Variants in CCDC102B observed in about 807,000 individuals in gnomAD.
CCDC102B encodes the protein coiled-coil domain-containing protein 102B.
Under a neutral mutation model 57.4 loss-of-function variants are expected in CCDC102B, and 75 were observed. That is an observed-to-expected ratio of 1.31 (90% CI 1.08 to 1.58). CCDC102B has a LOEUF of 1.58. CCDC102B is among the 40% of genes most tolerant of loss of function. The probability of loss-of-function intolerance (pLI) is 0.00; values close to 1 mark genes in which losing one functional copy is unlikely to be tolerated. For synonymous variants in CCDC102B, 206 were observed against 201.9 expected (o/e 1.02, Z -0.17); for missense variants, 636 against 582.6 (o/e 1.09, Z -0.94).
At chr18:68,820,216 A>T (rs7243280) in intron 1 of CCDC102B, among the ~76,000 whole-genome samples, 65,574 of 151,838 alleles carry the variant, frequency 0.43, 15,450 homozygotes, top group East Asian at 0.86. Context: ...CTGTTATCAT[A>T]TCACTACTTT....
chr18:68,895,889 T>C (rs1027413491), intron 5 of CCDC102B, among the ~76,000 whole-genome samples: 1 of 151,970 alleles, frequency 6.6e-6, no homozygotes, highest in African/African-American at 2.4e-5. Context: ...ATAAATTACA[T>C]TGATGTCTCG....
At chr18:68,719,899 G>T (rs368964443) in intron 2 of CCDC102B, among the ~76,000 whole-genome samples, 125 of 152,242 alleles carry the variant, frequency 8.2e-4, no homozygotes, top group African/African-American at 2.8e-3. Flanking sequence ...CATTTCACTT[G>T]TGAACAAAAA....
At chr18:68,733,515 A>C (rs1363158373) in intron 2 of CCDC102B, among the ~76,000 whole-genome samples, 3 of 82,916 alleles carry the variant, frequency 3.6e-5, no homozygotes, top group Admixed American at 1.2e-4. Flanking sequence ...TATTTTTTTA[A>C]CTTAAGCATG....
At chr18:68,987,167 A>G (rs934308576) in intron 6 of CCDC102B, among the ~76,000 whole-genome samples, 1 of 152,224 alleles carries the variant, frequency 6.6e-6, no homozygotes, top group African/African-American at 2.4e-5. Context: ...TAGACTTCAA[A>G]CTATACTATA....
At chr18:68,775,940 C>T (rs1310523371) in intron 2 of CCDC102B, among the ~76,000 whole-genome samples, 1 of 152,184 alleles carries the variant, frequency 6.6e-6, no homozygotes, top group African/African-American at 2.4e-5. Context: ...GCGTGAGCCA[C>T]AAAGCCCGGC....
At chr18:68,745,171 G>A (rs1308057515) in intron 2 of CCDC102B, among the ~76,000 whole-genome samples, 1 of 151,988 alleles carries the variant, frequency 6.6e-6, no homozygotes, top group African/African-American at 2.4e-5. Context: ...GAAGAAGTGG[G>A]GTGTGCTTGG....
chr18:68,823,143 C>T (rs1226019098), intron 1 of CCDC102B, among the ~76,000 whole-genome samples: 20 of 152,122 alleles, frequency 1.3e-4, no homozygotes, highest in Admixed American at 1.3e-3. Flanking sequence ...AGTCATGGGC[C>T]AATGCTTCAT....
At chr18:69,020,371 C>T (rs979478549) in intron 7 of CCDC102B, among the ~76,000 whole-genome samples, 8 of 152,014 alleles carry the variant, frequency 5.3e-5, no homozygotes, top group Middle Eastern at 3.2e-3. Context: ...TTGAGCTAGG[C>T]GCACTGTATG....
intron 2 of CCDC102B, among the ~76,000 whole-genome samples, chr18:68,720,702 C>T (rs1397500626): frequency 2.0e-5 from 3 of 151,538 alleles, no homozygotes; most frequent in Non-Finnish European, 2.9e-5. Flanking sequence ...AGCATTGCTA[C>T]ATGAAGCCCG....
At chr18:68,795,764 C>G (rs558818352), upstream of CCDC102B, among the ~76,000 whole-genome samples, 83 of 152,184 alleles carry the variant, frequency 5.5e-4, no homozygotes, top group African/African-American at 2.0e-3. Flanking sequence ...TTCATAGGTA[C>G]AGGAAGTTAG....
chr18:68,891,631 G>C (rs1490450067), intron 5 of CCDC102B, among the ~76,000 whole-genome samples: 1 of 152,220 alleles, frequency 6.6e-6, no homozygotes, highest in Non-Finnish European at 1.5e-5. Flanking sequence ...CATGATCAAA[G>C]TGCTGGCAAG....
intron 5 of CCDC102B, among the ~76,000 whole-genome samples, chr18:68,883,413 G>C (rs1055093507): frequency 1.1e-4 from 17 of 150,608 alleles, no homozygotes; most frequent in Non-Finnish European, 3.0e-5. Context: ...TCTATCATGA[G>C]AAAAAAAAAT....
intron 2 of CCDC102B, among the ~76,000 whole-genome samples, chr18:68,782,659 T>C (rs908257496): frequency 5.9e-5 from 9 of 152,082 alleles, no homozygotes; most frequent in Admixed American, 5.9e-4. Context: ...TTTCCAGTAG[T>C]TGGAAATAAA....
intron 2 of CCDC102B, among the ~76,000 whole-genome samples, chr18:68,718,588 C>T (rs2032154717): frequency 6.6e-6 from 1 of 152,100 alleles, no homozygotes; most frequent in South Asian, 2.1e-4. Context: ...CTGTACTTTT[C>T]TGTGTTTGGG....
intron 7 of CCDC102B, 56 bp from the exon 8 acceptor site, chr18:69,053,974 A>C: frequency 7.4e-7 from 1 of 1,349,632 alleles, no homozygotes; most frequent in Non-Finnish European, 1.0e-6. Context: ...TATAGCCACC[A>C]TGATGTACTA....
At chr18:68,812,074 A>T (rs190128406) in intron 1 of CCDC102B, among the ~76,000 whole-genome samples, 299 of 152,326 alleles carry the variant, frequency 2.0e-3, no homozygotes, top group African/African-American at 6.9e-3. Context: ...TACCATTACA[A>T]ATCAGTGCCT....
chr18:68,831,520 G>A (rs905213977), intron 1 of CCDC102B, among the ~76,000 whole-genome samples: 2 of 152,116 alleles, frequency 1.3e-5, no homozygotes, highest in Admixed American at 6.5e-5. Flanking sequence ...CTTTTGGAAA[G>A]TAAAATATCT....
intron 6 of CCDC102B, among the ~76,000 whole-genome samples, chr18:68,904,778 G>A (rs928101533): frequency 1.3e-5 from 2 of 152,080 alleles, no homozygotes; most frequent in Non-Finnish European, 2.9e-5. Flanking sequence ...ATTCTCTGCT[G>A]AAGCAAACTT....
At chr18:69,048,746 G>C (rs1275237871) in intron 7 of CCDC102B, among the ~76,000 whole-genome samples, 1 of 151,942 alleles carries the variant, frequency 6.6e-6, no homozygotes, top group Non-Finnish European at 1.5e-5. Flanking sequence ...CCCCTTGGAA[G>C]AGTAACAACT....
Sources: allele counts gnomAD v4.1 joint callset (sites outside exome capture counted in the v4.1 genomes callset), GRCh38; gene constraint gnomAD v4.1.1; transcripts MANE v1.5; gene names NCBI Gene and HGNC (gene_info 2026-07-23, HGNC 2026-07-21).